The following DNAJC28 variants were observed in gnomAD, a reference collection of about 807,000 sequenced individuals.
The protein encoded by DNAJC28 is dnaJ homolog subfamily C member 28.
Under a neutral mutation model 33.3 loss-of-function variants are expected in DNAJC28, and 24 were observed. That is an observed-to-expected ratio of 0.72 (90% CI 0.52 to 1.01). The LOEUF (loss-of-function observed/expected upper bound fraction) is 1.01. Ranked by LOEUF, DNAJC28 falls within the 50% of genes least tolerant of loss-of-function variation. The pLI is 0.00. For missense variants in DNAJC28, 442 were observed against 455.2 expected, an observed-to-expected ratio of 0.97 and a Z score of 0.26; for synonymous variants, 120 against 147.2, an observed-to-expected ratio of 0.82 and a Z score of 1.34.
rs145868095 is a variant in DNAJC28 at position 33,490,062 on chromosome 21, G to C, written c.-31-638C>G. 1.1e-3 allele frequency among the ~76,000 whole-genome samples: 169 copies of C among 151,556 alleles called. 4 individuals carry two copies. The highest frequency in any genetic ancestry group is 2.8e-4 in the Non-Finnish European group (19 of 67,848). ...CCAGTTTCTGCCTCCCAAAGTGCTG[G>C]GATTATAGGGGTGAGCCACTGTGCC... On this transcript the variant is annotated intron_variant, in intron 1 of 1. Coordinates refer to ENST00000381947, the MANE Select transcript of DNAJC28 (RefSeq NM_001040192.3).
Position 33,488,451 on chromosome 21 carries a change from T to G in DNAJC28, c.943A>C (p.Asn315His). ...CTGGTCAGGATGGGAACAATTAAAT[T>G]AAAATCATTAATTCGCTTGTTTAAT... Reference protein sequence around the residue: ...RKLNKRINDFNLIVPILTRQK... With the variant: ...RKLNKRINDFHLIVPILTRQK... The change falls in exon 2 of 2, where the codon AAT becomes CAT. Residue 315 changes from asparagine to histidine, a missense_variant. By Grantham distance (68) the Asn-to-His change is moderately conservative. Coordinates refer to ENST00000381947, the MANE Select transcript of DNAJC28 (RefSeq NM_001040192.3). 1.2e-6 allele frequency: 2 copies of G among 1,609,392 alleles called. No homozygotes were observed. Among genetic ancestry groups the G allele is most frequent in the Non-Finnish European group, 8.5e-7 (1 of 1,178,412 alleles).
At chr21:33,490,472 T>A (rs1378266251) in intron 1 of DNAJC28, among the ~76,000 whole-genome samples, 2 of 151,606 alleles carry the variant, frequency 1.3e-5, no homozygotes, top group African/African-American at 4.8e-5. Context: ...CTGATGAAGT[T>A]TAGTGTTAAC....
intron 1 of DNAJC28, among the ~76,000 whole-genome samples, chr21:33,490,734 C>T (rs1018908039): frequency 1.3e-5 from 2 of 152,028 alleles, no homozygotes; most frequent in African/African-American, 4.8e-5. Flanking sequence ...GCACTCCAGC[C>T]TGGGCAACAG....
intron 1 of DNAJC28, among the ~76,000 whole-genome samples, chr21:33,490,502 G>A (rs2084513099): frequency 1.3e-5 from 2 of 151,806 alleles, no homozygotes; most frequent in Non-Finnish European, 2.9e-5. Context: ...GGCCAGGCAC[G>A]GTGGCACACG....
At position 33,489,362 on chromosome 21, in the gene DNAJC28, AT is replaced by A. The variant is rs780398483; in HGVS notation, c.31del (p.Ile11SerfsTer2). ...AGCCTTTATCAGGTGAGATCTTAAG[AT>A]CTGAGCCATCATCACATACATTGTA... Reference protein sequence around the residue: MNTMYVMMAQILRSHLIKATV... With the variant: MNTMYVMMAQXLRSHLIKATV... On this transcript the variant is annotated frameshift_variant, in exon 2 of 2. Coordinates refer to ENST00000381947, the MANE Select transcript of DNAJC28 (RefSeq NM_001040192.3). LOFTEE classifies it high-confidence loss of function. 6.5e-7 allele frequency: 1 copy of A among 1,537,400 alleles called. No individual in the cohort carries two copies. The highest frequency in any genetic ancestry group is 8.7e-7 in the Non-Finnish European group (1 of 1,148,338).
chr21:33,488,332 G>A lies in DNAJC28; in HGVS notation c.1062C>T (p.Asn354=). 1.3e-6 allele frequency: 2 copies of A among 1,582,332 alleles called. No individual in the cohort carries two copies. The highest frequency in any genetic ancestry group is 8.5e-7 in the Non-Finnish European group (1 of 1,171,784). The part of the protein sequence containing the change: ...LIKTKEVTDR[N]PNNLDQGEGE... ...CTTCTCCTTGATCAAGGTTATTTGGGTTTCTATCTGTGACTTCTTTTGTTT... is the reference window on the plus strand; with the variant it reads ...CTTCTCCTTGATCAAGGTTATTTGGATTTCTATCTGTGACTTCTTTTGTTT... Residue 354 remains asparagine (N), a synonymous_variant, in exon 2 of 2, where the codon AAC becomes AAT. Coordinates refer to ENST00000381947, the MANE Select transcript of DNAJC28 (RefSeq NM_001040192.3).
Position 33,489,236 on chromosome 21 carries a change from T to G in DNAJC28, c.158A>C (p.Tyr53Ser). The G allele has an allele frequency of 6.2e-7, 1 of 1,601,800 alleles. No homozygotes were observed. Among genetic ancestry groups the G allele is most frequent in the Admixed American group, 1.8e-5 (1 of 56,336 alleles). ...TCCTTCCTCCACGTTCAGCAGTCTA[T>G]AATATTCTCTGATCTTCTTTTTGGA... ...HKSKKKIREY[Y>S]RLLNVEEGCS... is the part of the protein sequence containing the mutation. Residue 53 changes from tyrosine to serine, a missense_variant, in exon 2 of 2, where the codon TAT (tyrosine) becomes TCT (serine). By Grantham distance (144) the Tyr-to-Ser change is moderately radical. Transcript: ENST00000381947.
chr21:33,489,436 C>T lies in DNAJC28; in HGVS notation c.-31-12G>A, dbSNP rs371622341. ...TTCCTAGCAATGACCTATAAAACGA[C>T]AACAAATATAGGTTGAACAAAGTTG... On this transcript the variant is annotated splice_polypyrimidine_tract_variant and intron_variant, in intron 1 of 1. Transcript: ENST00000381947. 3.5e-5 allele frequency: 48 copies of T among 1,353,352 alleles called. No homozygotes were observed. The highest frequency in any genetic ancestry group is 4.5e-5 in the Non-Finnish European group (46 of 1,016,174). The allele number at this position is 1,353,352 out of a possible 1,614,324, so 83.8% of individuals were successfully genotyped here. A position where few individuals can be genotyped will look rare whatever the true frequency, so the allele number is the denominator to read the frequency against.
Position 33,488,658 on chromosome 21 carries a change from T to A in DNAJC28, c.736A>T (p.Ile246Leu), listed in dbSNP as rs1170339162. The A allele has an allele frequency of 1.9e-6, 3 of 1,613,318 alleles. No individual in the cohort carries two copies. Among genetic ancestry groups the A allele is most frequent in the Non-Finnish European group, 2.5e-6 (3 of 1,179,868 alleles). The change falls in exon 2 of 2, where the codon ATA becomes TTA. Residue 246 changes from isoleucine to leucine, a missense_variant. By Grantham distance (5) the Ile-to-Leu change is conservative. Transcript: ENST00000381947. The stretch of plus-strand genomic sequence containing the variant: ...GGTTGGTATCCATTATCGATCAGTA[T>A]TCGGTTCAGGTTGTGAGTCATGGGA... ...IDPMTHNLNR[I>L]LIDNGYQPEW...
In DNAJC28 at chr21:33,488,750, C is replaced by T. The variant is rs768092188; in HGVS notation, c.644G>A (p.Gly215Glu). 1 of 1,612,468 alleles carries T rather than the reference C, an allele frequency of 6.2e-7. No homozygotes were observed. Among genetic ancestry groups the T allele is most frequent in the African/African-American group, 1.3e-5 (1 of 74,892 alleles). The change falls in exon 2 of 2, where the codon GGA (glycine) becomes GAA (glutamate). Residue 215 changes from glycine (G) to glutamate (E), a missense_variant. Transcript: ENST00000381947. ...EDLIQESMAK[G>E]DFDNLSGKGK... ...TTTCCCACTGAGATTGTCAAAGTCT[C>T]CTTTTGCCATGGATTCTTGAATGAG...
At chr21:33,489,622 G>A (rs985795453) in intron 1 of DNAJC28, among the ~76,000 whole-genome samples, 198 bp from the exon 2 acceptor site, 4 of 147,736 alleles carry the variant, frequency 2.7e-5, no homozygotes, top group African/African-American at 1.0e-4. Flanking sequence ...CTGGAGTGCA[G>A]TGGTGCCTCC....
chr21:33,489,001 G>A lies in DNAJC28; in HGVS notation c.393C>T (p.Pro131=). 1 of 1,612,510 alleles carries A rather than the reference G, an allele frequency of 6.2e-7. No homozygotes were observed. Among genetic ancestry groups the A allele is most frequent in the East Asian group, 2.2e-5 (1 of 44,864 alleles). ...CAAAACTTAAATAATGTCGGTGTTG[G>A]GGTGTTTTATATTTGAATTTTTCTA... ...EDVEKFKYKT[P]QHRHYLSFEG... is the part of the protein sequence containing the mutation. The change falls in exon 2 of 2, where the codon CCC becomes CCT. Residue 131 remains proline, a synonymous_variant. Transcript: ENST00000381947.
chr21:33,490,403 A>G (rs777596565), intron 1 of DNAJC28, among the ~76,000 whole-genome samples: 2 of 150,606 alleles, frequency 1.3e-5, no homozygotes, highest in African/African-American at 2.4e-5. Context: ...CACCGCACCC[A>G]GCCCCACCAG....
chr21:33,489,570 T>C (rs2145650292), intron 1 of DNAJC28, 146 bp from the exon 2 acceptor site: 1 of 353,032 alleles, frequency 2.8e-6, no homozygotes, highest in Admixed American at 4.9e-5. Flanking sequence ...CTTTTTCCTT[T>C]TTTTTTTTTT....
In DNAJC28 at chr21:33,488,832, T is replaced by C. The variant is rs1470417204; in HGVS notation, c.562A>G (p.Ile188Val). The C allele has an allele frequency of 3.1e-6, 5 of 1,612,432 alleles. No homozygotes were observed. The highest frequency in any genetic ancestry group is 8.5e-7 in the Non-Finnish European group (1 of 1,179,686). Reference protein sequence around the residue: ...YFPDSVIVKNIRQSKQQKITQ... With the variant: ...YFPDSVIVKNVRQSKQQKITQ... ...ATCTTTTGCTGTTTGCTCTGTCTTA[T>C]ATTTTTAACAATTACACTATCAGGA... Residue 188 changes from isoleucine (I) to valine (V), a missense_variant, in exon 2 of 2, where the codon ATA (isoleucine) becomes GTA (valine). Ile to Val is a conservative substitution (Grantham distance 29). Coordinates refer to ENST00000381947, the MANE Select transcript of DNAJC28 (RefSeq NM_001040192.3).
rs1490275866 is a variant in DNAJC28, at chr21:33,489,330, T to A, written c.64A>T (p.Ile22Phe). Reference sequence around the variant, plus strand: ...GGAAGCATTTTCACTCGATTAGGAATCACTGTAGCCTTTATCAGGTGAGAT... The same window carrying A: ...GGAAGCATTTTCACTCGATTAGGAAACACTGTAGCCTTTATCAGGTGAGAT... Reference protein sequence around the residue: ...LRSHLIKATVIPNRVKMLPYF... With the variant: ...LRSHLIKATVFPNRVKMLPYF... Residue 22 changes from isoleucine to phenylalanine, a missense_variant, in exon 2 of 2, where the codon ATT (isoleucine) becomes TTT (phenylalanine). Coordinates refer to ENST00000381947, the MANE Select transcript of DNAJC28 (RefSeq NM_001040192.3). The A allele has an allele frequency of 2.5e-6, 4 of 1,577,312 alleles. No homozygotes were observed. In the South Asian group the frequency reaches 4.8e-5, roughly 19 times the overall value.
chr21:33,490,752 C>G (rs1448645877), intron 1 of DNAJC28, among the ~76,000 whole-genome samples: 1 of 151,988 alleles, frequency 6.6e-6, no homozygotes, highest in Non-Finnish European at 1.5e-5. Context: ...CAGAGTGAGA[C>G]TCTGTCTCAA....
In DNAJC28 at chr21:33,489,434, G is replaced by A. The variant is rs560000128; in HGVS notation, c.-31-10C>T. Reference sequence around the variant, plus strand: ...TCTTCCTAGCAATGACCTATAAAACGACAACAAATATAGGTTGAACAAAGT... The same window carrying A: ...TCTTCCTAGCAATGACCTATAAAACAACAACAAATATAGGTTGAACAAAGT... On this transcript the variant is annotated splice_polypyrimidine_tract_variant and intron_variant, in intron 1 of 1. Transcript: ENST00000381947. 11 of 1,364,182 alleles carry A rather than the reference G, an allele frequency of 8.1e-6. No homozygotes were observed. The highest frequency in any genetic ancestry group is 5.4e-5 in the Admixed American group (2 of 37,342). 84.5% of individuals were successfully genotyped at this position (1,364,182 alleles called of 1,614,324 possible).
rs912201070 is a variant in DNAJC28 at position 33,491,634 on chromosome 21, G to A, written c.-64C>T. ...GGACAGGTGACCTTACCAGGAAAAC[G>A]GACAATCTTCCGCCAAACGAACTTT... is the stretch of plus-strand genomic sequence containing the variant. On this transcript the variant is annotated 5_prime_UTR_variant, in exon 1 of 2. Transcript: ENST00000381947. The A allele has an allele frequency of 6.6e-6, 1 of 152,338 alleles. No individual in the cohort carries two copies. Among genetic ancestry groups the A allele is most frequent in the Non-Finnish European group, 1.5e-5 (1 of 68,118 alleles). The allele number at this position is 152,338 out of a possible 1,614,324, so 9.4% of individuals were successfully genotyped here.
Sources: gnomAD v4.1 joint callset for allele counts (sites outside exome capture counted in the v4.1 genomes callset) on GRCh38, gnomAD v4.1.1 for gene constraint, MANE v1.5 for transcripts, NCBI Gene and HGNC (gene_info 2026-07-23, HGNC 2026-07-21) for gene names.